RNF213: variants seen among roughly 807,000 people sequenced by gnomAD.
The protein encoded by RNF213 is ring finger protein 213, also known as E3 ubiquitin-protein ligase RNF213.
RNF213 carries 341 observed loss-of-function variants against 514.4 expected under a neutral mutation model. The ratio of observed to expected loss-of-function variants is 0.66; its 90% CI spans 0.61 to 0.73. RNF213 has a LOEUF of 0.73. Ranked by LOEUF, RNF213 falls within the 30% of genes least tolerant of loss-of-function variation. The pLI is 0.00. For synonymous variants in RNF213, 2,655 were observed against 2,658.2 expected (o/e 1.00, Z 0.04); for missense variants, 5,767 against 6,615.6 (o/e 0.87, Z 4.45).
chr17:80,392,445 T>C (rs916562387), intron 67 of RNF213, among the ~76,000 whole-genome samples: 3 of 152,188 alleles, frequency 2.0e-5, no homozygotes, highest in Admixed American at 2.0e-4. Context: ...CCTAAAGTCA[T>C]GTGAAGGGGC....
At chr17:80,335,189 C>T (rs1043112677) in intron 22 of RNF213, among the ~76,000 whole-genome samples, 1 of 152,220 alleles carries the variant, frequency 6.6e-6, no homozygotes, top group African/African-American at 2.4e-5. Context: ...TCCCAAAGTG[C>T]AGGCGTGAGC....
intron 2 of RNF213, among the ~76,000 whole-genome samples, chr17:80,270,469 C>T (rs76164172): frequency 1.3e-5 from 2 of 152,326 alleles, no homozygotes; most frequent in African/African-American, 4.8e-5. Flanking sequence ...TCACTGGCCG[C>T]GTCTCTGTGC....
At position 80,357,457 on chromosome 17, in the gene RNF213, C is replaced by T. The variant is rs143949169; in HGVS notation, c.10863-831C>T. 9.4e-3 allele frequency among the ~76,000 whole-genome samples: 1,433 copies of T among 152,264 alleles called. 13 individuals carry two copies. The highest frequency in any genetic ancestry group is 0.014 in the Non-Finnish European group (986 of 68,028). The stretch of plus-strand genomic sequence containing the variant: ...ACTCAGATCTAGTGTACAAAAACAT[C>T]AACAGGAACAAATACTTAGTTCCAG... On this transcript the variant is annotated intron_variant, in intron 36 of 67. Transcript: ENST00000582970.
At chr17:80,360,249 C>CTG in intron 38 of RNF213, 43 bp downstream of exon 38, 1 of 1,593,226 alleles carries the variant, frequency 6.3e-7, no homozygotes, top group Non-Finnish European at 8.6e-7. Context: ...ACAGGTGAAT[C>CTG]ACAAAGGGAT....
At chr17:80,355,431 TGGATGGGAATCGGGGCTCACGGAGGAAGA>T in intron 36 of RNF213, 1 of 112,028 alleles carries the variant, frequency 8.9e-6, no homozygotes, top group Non-Finnish European at 1.9e-5. Flanking sequence ...AGAAGCGGGG[TGGATGGGAATCGGGGCTCACGGAGGAAGA>T]GGGGTGACCG....
At chr17:80,363,530 A>T in intron 40 of RNF213, 79 bp from the exon 41 acceptor site, 2 of 1,504,380 alleles carry the variant, frequency 1.3e-6, no homozygotes, top group Non-Finnish European at 1.8e-6. Flanking sequence ...ACAAGTATAC[A>T]TGCAGCTAAC....
chr17:80,290,998 G>A (rs1021497358), intron 7 of RNF213, among the ~76,000 whole-genome samples: 1 of 151,944 alleles, frequency 6.6e-6, no homozygotes, highest in Non-Finnish European at 1.5e-5. Context: ...TAGTAGAGAC[G>A]GAGTTTCTAC....
At chr17:80,359,594 A>G (rs1026225664) in intron 37 of RNF213, among the ~76,000 whole-genome samples, 1 of 133,016 alleles carries the variant, frequency 7.5e-6, no homozygotes, top group Non-Finnish European at 1.7e-5. Context: ...AAGAGAAAGA[A>G]AGAGCGAGAG....
chr17:80,315,687 GAA>G (rs2045893240), intron 15 of RNF213: 1 of 152,564 alleles, frequency 6.6e-6, no homozygotes, highest in African/African-American at 2.5e-5. Flanking sequence ...TGGTGGTGGT[GAA>G]GGTGATGGTA....
rs1034027348 is a variant in RNF213 at position 80,376,750 on chromosome 17, TCA to T, written c.13429-129_13429-128del. The T allele has an allele frequency of 2.7e-6, 3 of 1,117,086 alleles. No individual in the cohort carries two copies. The African/African-American group carries it at 4.6e-5, about 17-fold the overall frequency. The allele number at this position is 1,117,086 out of a possible 1,614,324, so 69.2% of individuals were successfully genotyped here. A position where few individuals can be genotyped will look rare whatever the true frequency, so the allele number is the denominator to read the frequency against. On this transcript the variant is annotated intron_variant, in intron 52 of 67. Coordinates refer to ENST00000582970, the MANE Select transcript of RNF213 (RefSeq NM_001256071.3). ...TTCACAGGAAGCTGTTCTGTTTTCT[TCA>T]CAGACAGCTTGAGAAGTCCAGCAGA...
chr17:80,332,222 G>A lies in RNF213; in HGVS notation c.3734G>A (p.Ser1245Asn), dbSNP rs941288548. 3.4e-5 allele frequency: 53 copies of A among 1,537,108 alleles called. No individual in the cohort carries two copies. The highest frequency in any genetic ancestry group is 5.9e-5 in the South Asian group (5 of 84,070). The part of the protein sequence containing the change: ...LFWREAAEPL[S>N]EPKEDQEAAE... ...TGGCGGGAAGCCGCAGAGCCGCTGA[G>A]TGAGCCTAAGGAGGACCAGGAAGCC... The change falls in exon 21 of 68, where the codon AGT becomes AAT. Residue 1245 changes from serine to asparagine, a missense_variant. Around this residue, in one of 13 missense-constraint regions of RNF213, gnomAD observed 516 missense variants for 566.5 expected, o/e 0.91. Transcript: ENST00000582970.
chr17:80,327,854 G>A lies in RNF213; in HGVS notation c.3232G>A (p.Ala1078Thr). The A allele has an allele frequency of 2.0e-6, 3 of 1,537,182 alleles. No homozygotes were observed. The highest frequency in any genetic ancestry group is 1.7e-4 in the Middle Eastern group (1 of 5,990). Residue 1078 changes from alanine to threonine, a missense_variant, in exon 19 of 68, where the codon GCC (alanine) becomes ACC (threonine). By Grantham distance (58) the Ala-to-Thr change is moderately conservative. This residue lies in a region of RNF213 where 516 missense variants were observed against 566.5 expected (regional missense o/e 0.91). Coordinates refer to ENST00000582970, the MANE Select transcript of RNF213 (RefSeq NM_001256071.3). ...EKILANVTED[A>T]KRLIAVADSV... Reference sequence around the variant, plus strand: ...AATACTAGCAAATGTCACAGAGGATGCCAAGAGGCTGATAGCTGTTGCCGA... The same window carrying A: ...AATACTAGCAAATGTCACAGAGGATACCAAGAGGCTGATAGCTGTTGCCGA...
intron 11 of RNF213, among the ~76,000 whole-genome samples, chr17:80,304,533 G>A (rs1020154098): frequency 6.8e-6 from 1 of 147,926 alleles, no homozygotes; most frequent in African/African-American, 2.4e-5. Flanking sequence ...ACAGCTACTG[G>A]GGAGGCTGAG....
chr17:80,312,663 A>G (rs1449974954), intron 14 of RNF213, among the ~76,000 whole-genome samples: 1 of 152,184 alleles, frequency 6.6e-6, no homozygotes, highest in Non-Finnish European at 1.5e-5. Context: ...GGGAGTCTGC[A>G]GGGCCCCTCT....
At position 80,374,601 on chromosome 17, in the gene RNF213, C is replaced by G. The variant is rs2079668441; in HGVS notation, c.13074+12C>G. ...AGACTGCTCTGAAGGTAGGATGGGC[C>G]CGTGGCTTCTCTCTGATACCAGGTG... On this transcript the variant is annotated intron_variant, in intron 50 of 67. Transcript: ENST00000582970. The G allele has an allele frequency of 5.0e-6, 8 of 1,613,802 alleles. No homozygotes were observed. The highest frequency in any genetic ancestry group is 4.0e-5 in the African/African-American group (3 of 74,908).
intron 29 of RNF213, among the ~76,000 whole-genome samples, chr17:80,348,571 C>T (rs549250816): frequency 5.3e-4 from 80 of 152,364 alleles, no homozygotes; most frequent in African/African-American, 1.7e-3. Flanking sequence ...GCACTAGGGA[C>T]GCACAGATGA....
chr17:80,318,538 G>C (rs1223928277), intron 16 of RNF213, among the ~76,000 whole-genome samples: 1 of 152,134 alleles, frequency 6.6e-6, no homozygotes, highest in Non-Finnish European at 1.5e-5. Flanking sequence ...GAGGCTCAAG[G>C]AAAATTAGTT....
chr17:80,345,786 T>C lies in RNF213; in HGVS notation c.7451T>C (p.Leu2484Ser), dbSNP rs752459248. 6.2e-7 allele frequency: 1 copy of C among 1,614,184 alleles called. No homozygotes were observed. Among genetic ancestry groups the C allele is most frequent in the South Asian group, 1.1e-5 (1 of 91,088 alleles). ...GACCAACATCAGTTGGACACCATCT[T>C]GTTTTTTGATGAAGCCAACACAACG... ...NKDQHQLDTILFFDEANTTEA... is the reference protein window; with the variant it reads ...NKDQHQLDTISFFDEANTTEA... Residue 2484 changes from leucine (L) to serine (S), a missense_variant, in exon 29 of 68, where the codon TTG (leucine) becomes TCG (serine). By Grantham distance (145) the Leu-to-Ser change is moderately radical. Transcript: ENST00000582970. The surrounding 1 kb of genome is among the most constrained non-coding windows in gnomAD (Gnocchi z 6.0).
rs2080405723 is a variant in RNF213, at chr17:80,390,156, CCCCAAA to C, written c.15439_15444del (p.Gln5147_Thr5148del). On this transcript the variant is annotated inframe_deletion, in exon 67 of 68. Transcript: ENST00000582970. ...AATGATAATCTTGAAACTAAAGAACCCCCAAACCCAAACCGAGGAGCGCTTCCGCCC... is the reference window on the plus strand; with the variant it reads ...AATGATAATCTTGAAACTAAAGAACCCCCAAACCGAGGAGCGCTTCCGCCC... 2.5e-6 allele frequency: 4 copies of C among 1,614,198 alleles called. No homozygotes were observed. The highest frequency in any genetic ancestry group is 2.2e-5 in the East Asian group (1 of 44,884).
Sources: allele counts gnomAD v4.1 joint callset (sites outside exome capture counted in the v4.1 genomes callset), GRCh38; gene constraint gnomAD v4.1.1; regional missense constraint gnomAD v4.1.1; non-coding constraint Gnocchi (gnomAD v3.1); transcripts MANE v1.5; gene names NCBI Gene and HGNC (gene_info 2026-07-23, HGNC 2026-07-21).